The following MYPN variants were observed in gnomAD, a reference collection of about 807,000 sequenced individuals.
MYPN encodes sarcomeric protein myopalladin, 145 kDa (MYOP).
A neutral mutation model predicts 129.4 loss-of-function variants in MYPN; 63 were observed. The ratio of observed to expected loss-of-function variants is 0.49; its 90% CI spans 0.40 to 0.60. The LOEUF (loss-of-function observed/expected upper bound fraction) is 0.60. Ranked by LOEUF, MYPN falls within the 20% of genes least tolerant of loss-of-function variation. The probability of loss-of-function intolerance (pLI) is 0.00; values close to 1 mark genes in which losing one functional copy is unlikely to be tolerated. For missense variants in MYPN, 1,596 were observed against 1,635.4 expected (o/e 0.98, Z 0.42); for synonymous variants, 629 against 600.9 (o/e 1.05, Z -0.68).
At chr10:68,195,405 G>A (rs1442232131) in intron 14 of MYPN, 45 bp from the exon 15 acceptor site, 2 of 1,582,132 alleles carry the variant, frequency 1.3e-6, no homozygotes, top group East Asian at 2.2e-5. Context: ...TTGAAAAAAT[G>A]TGAGATTGTT....
intron 6 of MYPN, 190 bp from the exon 7 acceptor site, chr10:68,158,296 A>G: frequency 1.7e-6 from 1 of 600,980 alleles, no homozygotes; most frequent in South Asian, 2.0e-5. Flanking sequence ...CTCGCCTGCT[A>G]GAGCCTCCAA....
upstream of MYPN, among the ~76,000 whole-genome samples, chr10:68,102,543 T>C (rs1179190381): frequency 6.6e-6 from 1 of 152,196 alleles, no homozygotes; most frequent in Non-Finnish European, 1.5e-5. Flanking sequence ...ACCTTCAAAT[T>C]TGAATGACAG....
intron 2 of MYPN, among the ~76,000 whole-genome samples, chr10:68,131,065 T>C (rs1400615860): frequency 6.6e-6 from 1 of 152,196 alleles, no homozygotes; most frequent in Non-Finnish European, 1.5e-5. Context: ...TTTGCCCTTA[T>C]AATATAAATT....
At chr10:68,118,945 T>C (rs1450557894) in intron 1 of MYPN, among the ~76,000 whole-genome samples, 1 of 149,194 alleles carries the variant, frequency 6.7e-6, no homozygotes, top group Non-Finnish European at 1.5e-5. Flanking sequence ...AAAACCACAA[T>C]AAACAGTAAT....
chr10:68,118,889 G>GGAAGGAAT (rs893601341), intron 1 of MYPN, among the ~76,000 whole-genome samples: 7 of 108,740 alleles, frequency 6.4e-5, no homozygotes, highest in African/African-American at 2.4e-4. Context: ...AAGGAAGGAA[G>GGAAGGAAT]GAAGGAAGGA....
chr10:68,211,702 A>G lies in MYPN; in HGVS notation c.*1247A>G, dbSNP rs1293549909. 4.4e-6 allele frequency: 2 copies of G among 454,024 alleles called. No individual in the cohort carries two copies. Among genetic ancestry groups the G allele is most frequent in the Admixed American group, 4.7e-5 (2 of 42,546 alleles). 28.1% of individuals were successfully genotyped at this position (454,024 alleles called of 1,614,324 possible). A position where few individuals can be genotyped will look rare whatever the true frequency, so the allele number is the denominator to read the frequency against. Reference sequence around the variant, plus strand: ...TCAATAAATATTTGCTGGTTGAATGAATCTTCTGTTATTATGTCTATTATA... The same window carrying G: ...TCAATAAATATTTGCTGGTTGAATGGATCTTCTGTTATTATGTCTATTATA... On this transcript the variant is annotated 3_prime_UTR_variant, in exon 20 of 20. Coordinates refer to ENST00000358913, the MANE Select transcript of MYPN (RefSeq NM_032578.4).
intron 2 of MYPN, among the ~76,000 whole-genome samples, chr10:68,135,023 C>T (rs2134037351): frequency 6.6e-6 from 1 of 152,174 alleles, no homozygotes; most frequent in Middle Eastern, 3.4e-3. Flanking sequence ...ATGATCTTGG[C>T]TCACTGCAAC....
intron 13 of MYPN, among the ~76,000 whole-genome samples, chr10:68,190,757 G>A (rs548507164): frequency 4.7e-4 from 71 of 152,196 alleles, no homozygotes; most frequent in African/African-American, 1.6e-3. Context: ...AAAAAAATTT[G>A]GCTAGACCAA....
At chr10:68,127,385 A>C (rs1451874060) in intron 2 of MYPN, among the ~76,000 whole-genome samples, 1 of 117,796 alleles carries the variant, frequency 8.5e-6, no homozygotes, top group Non-Finnish European at 1.6e-5. Context: ...GAAGTGCTGG[A>C]GTGCAGTGGC....
At chr10:68,172,079 C>T (rs2043152836) in intron 10 of MYPN, among the ~76,000 whole-genome samples, 1 of 152,152 alleles carries the variant, frequency 6.6e-6, no homozygotes, top group Admixed American at 6.5e-5. Context: ...AACATAAAAC[C>T]AGCAAGGCGC....
chr10:68,182,607 A>G (rs371105434), intron 12 of MYPN, among the ~76,000 whole-genome samples: 2 of 151,324 alleles, frequency 1.3e-5, no homozygotes, highest in African/African-American at 4.9e-5. Flanking sequence ...CCCGGGTTCA[A>G]GTGATTCTCA....
chr10:68,126,749 G>A (rs944193560), intron 2 of MYPN, among the ~76,000 whole-genome samples: 8 of 152,184 alleles, frequency 5.3e-5, no homozygotes, highest in African/African-American at 1.9e-4. Flanking sequence ...GGAAGAAGTG[G>A]CTGGTTTGTG....
In MYPN at chr10:68,210,410, G is replaced by A. The variant is rs973793426; in HGVS notation, c.3918G>A (p.Val1306=). The part of the protein sequence containing the change: ...SAFSSMESTM[V]YSCSSRSVVE... ...TTTCCTCCATGGAAAGCACGATGGT[G>A]TATTCATGCTCTTCTCGGAGTGTAG... Residue 1306 remains valine (V), a synonymous_variant, in exon 20 of 20, where the codon GTG becomes GTA. Transcript: ENST00000358913. 6.2e-7 allele frequency: 1 copy of A among 1,614,042 alleles called. No homozygotes were observed. Among genetic ancestry groups the A allele is most frequent in the African/African-American group, 1.3e-5 (1 of 74,908 alleles).
At chr10:68,143,201 C>A in intron 3 of MYPN, 86 bp downstream of exon 3, 1 of 1,310,680 alleles carries the variant, frequency 7.6e-7, no homozygotes, top group Non-Finnish European at 1.1e-6. Flanking sequence ...GCCTCCTCTA[C>A]CATGCGCTCT....
At chr10:68,132,057 C>T (rs1011557196) in intron 2 of MYPN, among the ~76,000 whole-genome samples, 2 of 152,106 alleles carry the variant, frequency 1.3e-5, no homozygotes, top group Non-Finnish European at 2.9e-5. Flanking sequence ...CAATGTTGGA[C>T]AGAAGTGTCT....
chr10:68,122,377 C>G, intron 2 of MYPN, 37 bp downstream of exon 2: 1 of 1,600,790 alleles, frequency 6.2e-7, no homozygotes, highest in Non-Finnish European at 8.5e-7. Flanking sequence ...AGTAATGTTG[C>G]TTTCCATCTA....
chr10:68,122,762 C>A (rs909472136), intron 2 of MYPN, among the ~76,000 whole-genome samples: 12 of 151,922 alleles, frequency 7.9e-5, no homozygotes, highest in African/African-American at 2.9e-4. Context: ...ATTAGCCGGG[C>A]GTGGTGGTAT....
chr10:68,129,294 T>C (rs1217640796), intron 2 of MYPN, among the ~76,000 whole-genome samples: 1 of 152,242 alleles, frequency 6.6e-6, no homozygotes, highest in Non-Finnish European at 1.5e-5. Context: ...GTTTTCATAA[T>C]GAAAATATTT....
intron 1 of MYPN, among the ~76,000 whole-genome samples, chr10:68,090,664 C>G (rs972626942): frequency 1.3e-5 from 2 of 152,132 alleles, no homozygotes; most frequent in African/African-American, 4.8e-5. Context: ...ATCTACATCT[C>G]CAGACTAGGA....
Sources: gnomAD v4.1 joint callset for allele counts (sites outside exome capture counted in the v4.1 genomes callset) on GRCh38, gnomAD v4.1.1 for gene constraint, MANE v1.5 for transcripts, NCBI Gene and HGNC (gene_info 2026-07-23, HGNC 2026-07-21) for gene names.